Variants in TPR observed in about 807,000 individuals in gnomAD.
TPR encodes the protein nucleoprotein TPR.
TPR carries 51 observed loss-of-function variants against 316.1 expected under a neutral mutation model. That is an observed-to-expected ratio of 0.16 (90% CI 0.13 to 0.20). The LOEUF (loss-of-function observed/expected upper bound fraction) is 0.20. Among genes scored for constraint, TPR ranks in the 10% least tolerant of loss-of-function variants. The pLI, the probability that TPR is intolerant of heterozygous loss-of-function variation, is 1.00. For synonymous variants in TPR, 981 were observed against 914.7 expected, an observed-to-expected ratio of 1.07 and a Z score of -1.31; for missense variants, 2,272 against 2,754.8, an observed-to-expected ratio of 0.82 and a Z score of 3.92.
intron 4 of TPR, among the ~76,000 whole-genome samples, chr1:186,363,791 C>A (rs367950550): frequency 6.6e-6 from 1 of 152,046 alleles, no homozygotes; most frequent in African/African-American, 2.4e-5. Flanking sequence ...TTAAAATATG[C>A]ACAAATCCAT....
Position 186,323,666 on chromosome 1 carries a change from A to G in TPR, c.6297+20T>C. ...ATTTTTTTCAAGTTCATTTTTCATA[A>G]TGACCAGTACTTTTAATACCTGAAC... On this transcript the variant is annotated intron_variant, in intron 43 of 50. Transcript: ENST00000367478. 1.4e-6 allele frequency: 2 copies of G among 1,427,982 alleles called. No individual in the cohort carries two copies. The highest frequency in any genetic ancestry group is 1.8e-6 in the Non-Finnish European group (2 of 1,088,896). 88.5% of individuals were successfully genotyped at this position (1,427,982 alleles called of 1,614,324 possible).
At chr1:186,370,899 A>G (rs540548014) in intron 3 of TPR, 71 bp downstream of exon 3, 1 of 1,337,570 alleles carries the variant, frequency 7.5e-7, no homozygotes, top group Non-Finnish European at 1.1e-6. Flanking sequence ...AATAACTGAT[A>G]AACAATCAGA....
At chr1:186,372,486 G>A (rs919965810) in intron 2 of TPR, among the ~76,000 whole-genome samples, 5 of 151,870 alleles carry the variant, frequency 3.3e-5, no homozygotes, top group Admixed American at 3.3e-4. Context: ...AGGTTGCAGA[G>A]AGCCAAGATT....
At chr1:186,351,689 C>T (rs865964809) in intron 19 of TPR, among the ~76,000 whole-genome samples, 2 of 151,718 alleles carry the variant, frequency 1.3e-5, no homozygotes, top group East Asian at 1.9e-4. Context: ...TTCAGATTTC[C>T]CAAAGTTTTA....
Position 186,357,483 on chromosome 1 carries a change from A to G in TPR, c.1638T>C (p.Leu546=). 6.2e-7 allele frequency: 1 copy of G among 1,613,962 alleles called. No individual in the cohort carries two copies. Among genetic ancestry groups the G allele is most frequent in the Non-Finnish European group, 8.5e-7 (1 of 1,179,964 alleles). ...CTAAGAGACGTTGATTTTGTTGTTG[A>G]AGCTCTTCAATATTTCTGTAAGATA... ...HLVSYRNIEE[L]QQQNQRLLVA... is the part of the protein sequence containing the mutation. Residue 546 remains leucine, a synonymous_variant, in exon 14 of 51, where the codon CTT becomes CTC. Coordinates refer to ENST00000367478, the MANE Select transcript of TPR (RefSeq NM_003292.3).
rs758075398 is a variant in TPR, at chr1:186,326,249, C to G, written c.5890-14G>C. ...CTCTTCATAATCCTAGTAGAAAGTT[C>G]CCCAGGCATAAATAAAAGTTTAGAA... On this transcript the variant is annotated splice_polypyrimidine_tract_variant and intron_variant, in intron 40 of 50. Transcript: ENST00000367478. 6.3e-7 allele frequency: 1 copy of G among 1,596,760 alleles called. No homozygotes were observed. Among genetic ancestry groups the G allele is most frequent in the South Asian group, 1.1e-5 (1 of 89,346 alleles).
intron 42 of TPR, among the ~76,000 whole-genome samples, chr1:186,324,621 A>G (rs1211300430): frequency 2.6e-5 from 4 of 152,206 alleles, no homozygotes; most frequent in African/African-American, 9.6e-5. Flanking sequence ...ACCTCAAGTC[A>G]CTTTACTTCT....
Position 186,346,187 on chromosome 1 carries a change from T to C in TPR, c.3044A>G (p.Lys1015Arg), listed in dbSNP as rs1383952701. The C allele has an allele frequency of 1.9e-6, 3 of 1,613,400 alleles. No homozygotes were observed. The highest frequency in any genetic ancestry group is 1.7e-6 in the Non-Finnish European group (2 of 1,179,698). The change falls in exon 23 of 51, where the codon AAA becomes AGA. Residue 1015 changes from lysine to arginine, a missense_variant. Lys to Arg is a conservative substitution (Grantham distance 26). Coordinates refer to ENST00000367478, the MANE Select transcript of TPR (RefSeq NM_003292.3). ...EKKLMEVEKE[K>R]QELQDDKRRA... ...TCTTTTATCATCCTGAAGTTCTTGT[T>C]TTTCCTTCTCTACTTCCATCAACTT... is the stretch of plus-strand genomic sequence containing the variant.
intron 24 of TPR, among the ~76,000 whole-genome samples, chr1:186,345,299 T>C (rs894136784): frequency 1.3e-5 from 2 of 152,192 alleles, no homozygotes; most frequent in Admixed American, 6.5e-5. Context: ...TGAAGGACAA[T>C]AGTAAAATAA....
Position 186,311,972 on chromosome 1 carries a change from C to T in TPR, c.*1999G>A. On this transcript the variant is annotated 3_prime_UTR_variant, in exon 51 of 51. Coordinates refer to ENST00000367478, the MANE Select transcript of TPR (RefSeq NM_003292.3). ...ATTAAATATATAACTATGTAATTTG[C>T]TGCATCTATTCATTCAACAAGTATT... 1 of 569,850 alleles carries T rather than the reference C, an allele frequency of 1.8e-6. No homozygotes were observed. The highest frequency in any genetic ancestry group is 3.1e-5 in the Admixed American group (1 of 32,554). 35.3% of individuals were successfully genotyped at this position (569,850 alleles called of 1,614,324 possible).
At chr1:186,368,093 C>A in intron 3 of TPR, 111 bp from the exon 4 acceptor site, 1 of 616,506 alleles carries the variant, frequency 1.6e-6, no homozygotes. Context: ...GACTGGCTTT[C>A]TCTTATAACT....
intron 3 of TPR, among the ~76,000 whole-genome samples, chr1:186,370,760 T>TAA (rs1218272251): frequency 1.3e-5 from 2 of 152,126 alleles, no homozygotes; most frequent in Non-Finnish European, 2.9e-5. Flanking sequence ...ATTCAATAGA[T>TAA]AATTTCTGTT....
At position 186,332,304 on chromosome 1, in the gene TPR, C is replaced by A. The variant is rs115482159; in HGVS notation, c.5495G>T (p.Arg1832Leu). Residue 1832 changes from arginine (R) to leucine (L), a missense_variant, in exon 38 of 51, where the codon CGT (arginine) becomes CTT (leucine). By Grantham distance (102) the Arg-to-Leu change is moderately radical. Transcript: ENST00000367478. Reference sequence around the variant, plus strand: ...TATGGTGCTATCCTCTTCCTCTTCACGTGTACGCTTTGGCAAAGAAGAACT... The same window carrying A: ...TATGGTGCTATCCTCTTCCTCTTCAAGTGTACGCTTTGGCAAAGAAGAACT... ...TPSSSLPKRTREEEEDSTIEA... is the reference protein window; with the variant it reads ...TPSSSLPKRTLEEEEDSTIEA... 9.3e-6 allele frequency: 15 copies of A among 1,612,506 alleles called. No homozygotes were observed. The highest frequency in any genetic ancestry group is 1.2e-5 in the Non-Finnish European group (14 of 1,179,272).
rs577666227 is a variant in TPR at position 186,312,602 on chromosome 1, C to T, written c.*1369G>A. On this transcript the variant is annotated 3_prime_UTR_variant, in exon 51 of 51. Transcript: ENST00000367478. The stretch of plus-strand genomic sequence containing the variant: ...TCAGGTTTGTTAGTTATAACCAATA[C>T]TATTTATCAAGTACTTCTTACCAAG... 2 of 798,796 alleles carry T rather than the reference C, an allele frequency of 2.5e-6. No individual in the cohort carries two copies. The highest frequency in any genetic ancestry group is 2.6e-5 in the Admixed American group (1 of 39,126). 49.5% of individuals were successfully genotyped at this position (798,796 alleles called of 1,614,324 possible).
intron 3 of TPR, among the ~76,000 whole-genome samples, chr1:186,368,214 C>T (rs1275587154): frequency 6.6e-6 from 1 of 152,114 alleles, no homozygotes; most frequent in Non-Finnish European, 1.5e-5. Context: ...CTCTTTTAAT[C>T]ACATGGAAAT....
At position 186,370,975 on chromosome 1, in the gene TPR, T is replaced by A. The variant is rs762094209; in HGVS notation, c.325A>T (p.Ile109Phe). The A allele has an allele frequency of 1.9e-6, 3 of 1,611,826 alleles. No homozygotes were observed. Among genetic ancestry groups the A allele is most frequent in the Admixed American group, 3.3e-5 (2 of 59,986 alleles). ...TTCTAAGAAATATCTCTTACCTGAA[T>A]GGCAATATTGCGATCCTGAGCAATT... ...LEIAQDRNIA[I>F]QSQFTRTKEE... is the part of the protein sequence containing the mutation. The change falls in exon 3 of 51, where the codon ATT (isoleucine) becomes TTT (phenylalanine). Residue 109 changes from isoleucine (I) to phenylalanine (F), a missense_variant. Physicochemically the swap from Ile to Phe is conservative, Grantham distance 21. Transcript: ENST00000367478.
At chr1:186,349,524 G>A (rs1351282362) in intron 21 of TPR, among the ~76,000 whole-genome samples, 2 of 151,746 alleles carry the variant, frequency 1.3e-5, no homozygotes, top group Middle Eastern at 3.4e-3. Flanking sequence ...GCTGTGCGTT[G>A]TGGCGGCCGC....
At position 186,323,671 on chromosome 1, in the gene TPR, C is replaced by T. The variant is rs3818293; in HGVS notation, c.6297+15G>A. On this transcript the variant is annotated intron_variant, in intron 43 of 50. Transcript: ENST00000367478. ...TTTCAAGTTCATTTTTCATAATGAC[C>T]AGTACTTTTAATACCTGAACTGGTG... 150,378 of 1,455,660 alleles carry T rather than the reference C, an allele frequency of 0.1. 8,780 individuals carry two copies. Among genetic ancestry groups the T allele is most frequent in the East Asian group, 0.23 (8,294 of 36,300 alleles). 90.2% of individuals were successfully genotyped at this position (1,455,660 alleles called of 1,614,324 possible).
At chr1:186,357,315 G>T in intron 14 of TPR, 82 bp downstream of exon 14, 1 of 1,382,336 alleles carries the variant, frequency 7.2e-7, no homozygotes, top group Non-Finnish European at 1.0e-6. Flanking sequence ...CCAAAACGTT[G>T]GGATTACAGG....
Sources: allele counts gnomAD v4.1 joint callset (sites outside exome capture counted in the v4.1 genomes callset), GRCh38; gene constraint gnomAD v4.1.1; transcripts MANE v1.5; gene names NCBI Gene and HGNC (gene_info 2026-07-23, HGNC 2026-07-21).